Variants in GUCY2C observed in about 807,000 individuals in gnomAD.
GUCY2C encodes guanylyl cyclase C.
A neutral mutation model predicts 131.1 loss-of-function variants in GUCY2C; 118 were observed. The ratio of observed to expected loss-of-function variants is 0.90; its 90% CI spans 0.78 to 1.05. GUCY2C has a LOEUF of 1.05. GUCY2C is among the 50% of genes least tolerant of loss of function. GUCY2C has a pLI of 0.00. For synonymous variants in GUCY2C, 452 were observed against 457.8 expected, an observed-to-expected ratio of 0.99 and a Z score of 0.16; for missense variants, 1,161 against 1,304.4, an observed-to-expected ratio of 0.89 and a Z score of 1.69.
chr12:14,628,286 T>C (rs963144102), intron 20 of GUCY2C, among the ~76,000 whole-genome samples: 6 of 152,206 alleles, frequency 3.9e-5, no homozygotes, highest in Admixed American at 6.5e-5. Context: ...AACATGCTGA[T>C]GTTAATAATT....
At chr12:14,660,530 A>G (rs1446221714) in intron 11 of GUCY2C, among the ~76,000 whole-genome samples, 1 of 152,196 alleles carries the variant, frequency 6.6e-6, no homozygotes, top group Non-Finnish European at 1.5e-5. Context: ...ATTGTTTCTA[A>G]AACCTCTCCC....
At chr12:14,683,319 A>T in intron 3 of GUCY2C, 62 bp from the exon 4 acceptor site, 1 of 991,570 alleles carries the variant, frequency 1.0e-6, no homozygotes, top group Non-Finnish European at 1.6e-6. Flanking sequence ...CACAAATAAG[A>T]TCCCTCTTTA....
At chr12:14,614,793 A>G (rs970577397) in intron 26 of GUCY2C, 74 bp downstream of exon 26, 8 of 868,832 alleles carry the variant, frequency 9.2e-6, no homozygotes, top group African/African-American at 7.0e-5. Context: ...GCATTTGCCA[A>G]TTTAAATTGG....
intron 20 of GUCY2C, among the ~76,000 whole-genome samples, chr12:14,628,300 T>C (rs1203091500): frequency 6.6e-6 from 1 of 152,188 alleles, no homozygotes; most frequent in Non-Finnish European, 1.5e-5. Context: ...AATAATTGTC[T>C]AGGAGCTTTA....
chr12:14,652,061 T>G (rs1288023236), intron 13 of GUCY2C, 31 bp from the exon 14 acceptor site: 1 of 1,263,336 alleles, frequency 7.9e-7, no homozygotes, highest in Non-Finnish European at 1.2e-6. Context: ...TAGGAGACAG[T>G]GTTGTGGTGT....
chr12:14,651,987 G>T lies in GUCY2C; in HGVS notation c.1577C>A (p.Thr526Asn), dbSNP rs546844787. 4 of 1,600,156 alleles carry T rather than the reference G, an allele frequency of 2.5e-6. No homozygotes were observed. The African/African-American group carries it at 5.3e-5, about 21-fold the overall frequency. Residue 526 changes from threonine to asparagine, a missense_variant, in exon 14 of 27, where the codon ACT (threonine) becomes AAT (asparagine). Thr to Asn is a moderately conservative substitution (Grantham distance 65). Coordinates refer to ENST00000261170, the MANE Select transcript of GUCY2C (RefSeq NM_004963.4). Reference protein sequence around the residue: ...KDLKHNDGNFTEKQKIELNKL... With the variant: ...KDLKHNDGNFNEKQKIELNKL... ...GTTCAATTCTATCTTCTGTTTTTCA[G>T]TGAAATTACCATCATTGTGCTTGAG...
chr12:14,642,033 T>G (rs1947415861), intron 17 of GUCY2C, among the ~76,000 whole-genome samples: 1 of 152,178 alleles, frequency 6.6e-6, no homozygotes, highest in African/African-American at 2.4e-5. Flanking sequence ...AAATATAAAT[T>G]TACCAAAAGA....
chr12:14,678,889 G>A (rs949100712), intron 6 of GUCY2C, among the ~76,000 whole-genome samples: 14 of 151,972 alleles, frequency 9.2e-5, no homozygotes, highest in Non-Finnish European at 1.8e-4. Context: ...GATAATTAGC[G>A]ATTAAAAAAA....
chr12:14,687,885 C>T, intron 2 of GUCY2C, 66 bp downstream of exon 2: 1 of 868,282 alleles, frequency 1.2e-6, no homozygotes. Context: ...CATGTGCCTA[C>T]ATTTCACACT....
chr12:14,619,155 C>T (rs572177518), intron 24 of GUCY2C, 56 bp downstream of exon 24: 1 of 966,376 alleles, frequency 1.0e-6, no homozygotes, highest in Admixed American at 1.7e-5. Context: ...CTCACAGTTG[C>T]CCTCTGCTGG....
At chr12:14,694,253 T>C (rs555003911) in intron 1 of GUCY2C, among the ~76,000 whole-genome samples, 20 of 152,348 alleles carry the variant, frequency 1.3e-4, no homozygotes, top group African/African-American at 4.3e-4. Context: ...AATGTTCCAC[T>C]GCCTTGTTTT....
chr12:14,646,255 T>G, intron 15 of GUCY2C, among the ~76,000 whole-genome samples: 1 of 152,348 alleles, frequency 6.6e-6, no homozygotes, highest in Middle Eastern at 3.4e-3. Context: ...GGACTCTAAC[T>G]GATAACAATA....
At chr12:14,665,238 G>A (rs1234446461) in intron 10 of GUCY2C, among the ~76,000 whole-genome samples, 1 of 142,976 alleles carries the variant, frequency 7.0e-6, no homozygotes, top group Non-Finnish European at 1.5e-5. Flanking sequence ...AAAAAAAAAA[G>A]CTAAGGAAAG....
intron 19 of GUCY2C, among the ~76,000 whole-genome samples, chr12:14,633,352 C>T (rs924714139): frequency 2.0e-5 from 3 of 152,150 alleles, no homozygotes; most frequent in Non-Finnish European, 4.4e-5. Flanking sequence ...ACTGCATGCA[C>T]CCAGAATCAA....
At chr12:14,691,350 C>T (rs548751402) in intron 1 of GUCY2C, among the ~76,000 whole-genome samples, 32 of 152,136 alleles carry the variant, frequency 2.1e-4, no homozygotes, top group Non-Finnish European at 4.0e-4. Flanking sequence ...TGAGTGTAAC[C>T]GCGAGTCAGC....
At position 14,616,770 on chromosome 12, in the gene GUCY2C, A is replaced by G. The variant is rs76724108; in HGVS notation, c.2876-43T>C. On this transcript the variant is annotated intron_variant, in intron 24 of 26. Coordinates refer to ENST00000261170, the MANE Select transcript of GUCY2C (RefSeq NM_004963.4). The stretch of plus-strand genomic sequence containing the variant: ...CAAATAAAAATCCCAGCTAGTACAC[A>G]GCCTATTTGTTTCCCGTTGATTCAG... 3,374 of 1,069,942 alleles carry G rather than the reference A, an allele frequency of 3.2e-3. 94 individuals carry two copies. In the African/African-American group the frequency reaches 0.047, roughly 15 times the overall value. The allele number at this position is 1,069,942 out of a possible 1,614,324, so 66.3% of individuals were successfully genotyped here.
chr12:14,617,206 A>G (rs1946784386), intron 24 of GUCY2C, among the ~76,000 whole-genome samples: 1 of 152,204 alleles, frequency 6.6e-6, no homozygotes, highest in South Asian at 2.1e-4. Context: ...CTTCCCTTAC[A>G]GCCTGCAGAA....
At chr12:14,637,851 G>A (rs750042724) in intron 19 of GUCY2C, among the ~76,000 whole-genome samples, 4 of 152,078 alleles carry the variant, frequency 2.6e-5, no homozygotes, top group Non-Finnish European at 4.4e-5. Flanking sequence ...AAAAGCACAG[G>A]CAACCAAACC....
chr12:14,645,931 G>A (rs1212808410), intron 15 of GUCY2C, among the ~76,000 whole-genome samples: 1 of 152,022 alleles, frequency 6.6e-6, no homozygotes, highest in African/African-American at 2.4e-5. Context: ...TGCCTCCGGG[G>A]TTCCAGCCAT....
Sources: allele counts gnomAD v4.1 joint callset (sites outside exome capture counted in the v4.1 genomes callset), GRCh38; gene constraint gnomAD v4.1.1; transcripts MANE v1.5; gene names NCBI Gene and HGNC (gene_info 2026-07-23, HGNC 2026-07-21).